Variants in COL21A1 observed in about 807,000 individuals in gnomAD.
COL21A1 encodes the protein collagen alpha-1(XXI) chain.
Under a neutral mutation model 137.9 loss-of-function variants are expected in COL21A1, and 149 were observed. The observed-to-expected ratio is 1.08, with a 90% CI of 0.95 to 1.24. COL21A1 has a LOEUF of 1.24. Among genes scored for constraint, COL21A1 ranks in the 50% most tolerant of loss-of-function variants. The pLI is 0.00. For missense variants in COL21A1, 1,167 were observed against 1,158.4 expected (o/e 1.01, Z -0.11); for synonymous variants, 456 against 391.5 (o/e 1.16, Z -1.95).
At chr6:56,097,016 A>T (rs72874269) in intron 17 of COL21A1, among the ~76,000 whole-genome samples, 1,433 of 138,690 alleles carry the variant, frequency 0.01, 13 homozygotes, top group Non-Finnish European at 0.016. Flanking sequence ...ATTAATTGTT[A>T]AAAAAAAAAT....
chr6:56,175,880 A>G (rs1388199753), intron 3 of COL21A1, among the ~76,000 whole-genome samples: 4 of 152,178 alleles, frequency 2.6e-5, no homozygotes, highest in African/African-American at 7.2e-5. Context: ...ATTTCAAAAT[A>G]TATTGCAAAG....
At chr6:56,271,017 A>C (rs1582746880) in intron 1 of COL21A1, among the ~76,000 whole-genome samples, 1 of 152,370 alleles carries the variant, frequency 6.6e-6, no homozygotes, top group East Asian at 1.9e-4. Flanking sequence ...ACTGCTATAA[A>C]GATAACCTGA....
intron 1 of COL21A1, among the ~76,000 whole-genome samples, chr6:56,325,103 A>G (rs559006870): frequency 3.8e-4 from 56 of 148,792 alleles, no homozygotes; most frequent in African/African-American, 1.4e-3. Context: ...ACTCAGGTTC[A>G]CCTGTTTCTC....
At chr6:56,309,801 G>T (rs1302929718) in intron 1 of COL21A1, among the ~76,000 whole-genome samples, 3 of 152,066 alleles carry the variant, frequency 2.0e-5, no homozygotes, top group Non-Finnish European at 4.4e-5. Flanking sequence ...TGTCTACTTT[G>T]TTCATTAGAC....
chr6:56,090,464 TTG>T (rs1768696323), intron 17 of COL21A1, among the ~76,000 whole-genome samples: 1 of 152,148 alleles, frequency 6.6e-6, no homozygotes, highest in African/African-American at 2.4e-5. Context: ...GAGCCAACAT[TTG>T]TGTGTGAGGT....
chr6:56,163,052 T>C (rs1776300944), intron 9 of COL21A1, among the ~76,000 whole-genome samples: 1 of 152,216 alleles, frequency 6.6e-6, no homozygotes. Context: ...TTTATTTTAA[T>C]GGTTAGGCCT....
intron 2 of COL21A1, among the ~76,000 whole-genome samples, chr6:56,182,230 T>C (rs1448754695): frequency 1.3e-5 from 2 of 152,142 alleles, no homozygotes; most frequent in African/African-American, 4.8e-5. Flanking sequence ...CTAGAAGGCT[T>C]TCTTTATCTT....
chr6:56,137,731 C>G (rs1430107475), intron 12 of COL21A1, among the ~76,000 whole-genome samples: 2 of 151,296 alleles, frequency 1.3e-5, no homozygotes, highest in Non-Finnish European at 3.0e-5. Flanking sequence ...ATAATACCAA[C>G]AGAAAAAAGA....
rs201692542 is a variant in COL21A1, at chr6:56,084,230, A to AT, written c.1813-6658_1813-6657insA. On this transcript the variant is annotated intron_variant, in intron 17 of 29. Transcript: ENST00000244728. The stretch of plus-strand genomic sequence containing the variant: ...GTATGCAGAAAAAATATATATATAT[A>AT]AAAAACATTAATAAGAGAGATTAGA... Among the ~76,000 whole-genome samples, 533 of 151,354 alleles carry AT rather than the reference A, an allele frequency of 3.5e-3. 2 individuals are homozygous for AT. Among genetic ancestry groups the AT allele is most frequent in the Middle Eastern group, 6.8e-3 (2 of 292 alleles).
intron 10 of COL21A1, among the ~76,000 whole-genome samples, chr6:56,147,664 AC>A (rs528890209): frequency 1.0e-3 from 159 of 152,264 alleles, no homozygotes; most frequent in African/African-American, 3.7e-3. Flanking sequence ...ATATATACAT[AC>A]ATGTCTACAC....
At chr6:56,260,891 T>TGC (rs1763257321) in intron 1 of COL21A1, among the ~76,000 whole-genome samples, 1 of 150,668 alleles carries the variant, frequency 6.6e-6, no homozygotes. Context: ...TGTGTGTGTG[T>TGC]GTACCTTTTA....
At chr6:56,338,339 T>C (rs1397652251) in intron 1 of COL21A1, among the ~76,000 whole-genome samples, 1 of 152,126 alleles carries the variant, frequency 6.6e-6, no homozygotes, top group Non-Finnish European at 1.5e-5. Flanking sequence ...TAGTGCTCCA[T>C]ACCTATTGGC....
rs1562028867 is a variant in COL21A1 at position 56,260,651 on chromosome 6, G to GA, written c.-38-77996_-38-77995insT. Among the ~76,000 whole-genome samples, 204 of 62,060 alleles carry GA rather than the reference G, an allele frequency of 3.3e-3. 6 individuals are homozygous for GA. The highest frequency in any genetic ancestry group is 0.029 in the Middle Eastern group (4 of 138). The allele number at this position is 62,060 out of a possible 152,430, so 40.7% of individuals were successfully genotyped here. A position where few individuals can be genotyped will look rare whatever the true frequency, so the allele number is the denominator to read the frequency against. ...AGGAAGGAAGGAAGGAAGGAAGGAA[G>GA]GAAGGAATGAAGGAAGGAAGGAAGG... is the stretch of plus-strand genomic sequence containing the variant. On this transcript the variant is annotated intron_variant, in intron 1 of 28. Coordinates refer to the COL21A1 transcript ENST00000370819.
rs189125681 is a variant in COL21A1, at chr6:56,212,422, A to G, written c.-38-29766T>C. On this transcript the variant is annotated intron_variant, in intron 1 of 29. Coordinates refer to ENST00000244728, the MANE Select transcript of COL21A1 (RefSeq NM_030820.4). ...ATTTTATAGCATAGGTTTGCTACCA[A>G]TAAAATACCTATTCCTACTCCGAGG... 3.3e-5 allele frequency among the ~76,000 whole-genome samples: 5 copies of G among 152,194 alleles called. No homozygotes were observed. In the East Asian group the frequency reaches 7.7e-4, roughly 23 times the overall value.
chr6:56,098,102 T>A (rs1208619986), intron 17 of COL21A1, among the ~76,000 whole-genome samples: 1 of 23,500 alleles, frequency 4.3e-5, no homozygotes, highest in Non-Finnish European at 6.5e-5. Context: ...TATAAATATA[T>A]AAATATATAT....
At chr6:56,146,788 G>A (rs1056615334) in intron 10 of COL21A1, among the ~76,000 whole-genome samples, 10 of 152,002 alleles carry the variant, frequency 6.6e-5, no homozygotes, top group African/African-American at 2.4e-4. Context: ...CACAGCTCGT[G>A]GGTCTTACAA....
rs1192210703 is a variant in COL21A1, at chr6:56,124,234, C to T, written c.1704+5G>A. On this transcript the variant is annotated splice_donor_5th_base_variant and intron_variant, in intron 15 of 29. Coordinates refer to ENST00000244728, the MANE Select transcript of COL21A1 (RefSeq NM_030820.4). ...ATACTAAGAGCTTTTTTCTATCAAA[C>T]TCACAGCAGGTCCAGGGAGGCCAGG... is the stretch of plus-strand genomic sequence containing the variant. 1 of 1,596,554 alleles carries T rather than the reference C, an allele frequency of 6.3e-7. No individual in the cohort carries two copies.
At position 56,153,861 on chromosome 6, in the gene COL21A1, C is replaced by T. The variant is rs144549229; in HGVS notation, c.1434+3026G>A. ...CCTGTAAGAGAGCCCTGTGGTCAGT[C>T]CCCTGCCACCTTCTCTTCTCTATTT... On this transcript the variant is annotated intron_variant, in intron 10 of 29. Coordinates refer to ENST00000244728, the MANE Select transcript of COL21A1 (RefSeq NM_030820.4). Among the ~76,000 whole-genome samples the T allele has an allele frequency of 1.3e-3, 205 of 152,292 alleles. 2 individuals are homozygous for T. Among genetic ancestry groups the T allele is most frequent in the African/African-American group, 4.7e-3 (196 of 41,560 alleles).
chr6:56,303,130 T>C (rs1764344705), intron 1 of COL21A1, among the ~76,000 whole-genome samples: 2 of 152,244 alleles, frequency 1.3e-5, no homozygotes, highest in South Asian at 4.1e-4. Context: ...TTGGTTACTG[T>C]AGCCTTGTAG....
Sources: allele counts gnomAD v4.1 joint callset (sites outside exome capture counted in the v4.1 genomes callset), GRCh38; gene constraint gnomAD v4.1.1; transcripts MANE v1.5; gene names NCBI Gene and HGNC (gene_info 2026-07-23, HGNC 2026-07-21).